SUN3: variants seen among roughly 807,000 people sequenced by gnomAD.
SUN3 encodes the protein Sad1 and UNC84 domain containing 3.
A neutral mutation model predicts 48.2 loss-of-function variants in SUN3; 36 were observed. The ratio of observed to expected loss-of-function variants is 0.75; its 90% CI spans 0.57 to 0.99. The LOEUF is 0.99. Among genes scored for constraint, SUN3 ranks in the 50% least tolerant of loss-of-function variants. SUN3 has a pLI of 0.00. For missense variants in SUN3, 419 were observed against 433.1 expected, an observed-to-expected ratio of 0.97 and a Z score of 0.29; for synonymous variants, 148 against 147.9, an observed-to-expected ratio of 1.00 and a Z score of 0.00.
At position 47,996,125 on chromosome 7, in the gene SUN3, C is replaced by T. The variant is rs1308540236; in HGVS notation, c.599G>A (p.Gly200Glu). The T allele has an allele frequency of 6.3e-7, 1 of 1,585,804 alleles. No homozygotes were observed. Among genetic ancestry groups the T allele is most frequent in the Non-Finnish European group, 8.6e-7 (1 of 1,169,436 alleles). The change falls in exon 7 of 10, where the codon GGG (glycine) becomes GAG (glutamate). Residue 200 changes from glycine to glutamate, a missense_variant. Transcript: ENST00000297325. ...ATTATTTTTATAACTTTCTGAGGTCCCAGCTTCAATGATGGAGGCTCCTAA... is the reference window on the plus strand; with the variant it reads ...ATTATTTTTATAACTTTCTGAGGTCTCAGCTTCAATGATGGAGGCTCCTAA... Reference protein sequence around the residue: ...KSAGASIIEAGTSESYKNNKA... With the variant: ...KSAGASIIEAETSESYKNNKA...
intron 2 of SUN3, among the ~76,000 whole-genome samples, chr7:48,020,958 C>A (rs1368447082): frequency 2.0e-5 from 3 of 151,928 alleles, no homozygotes; most frequent in Admixed American, 6.6e-5. Flanking sequence ...CACAAAAGAC[C>A]CCAAATAGTC....
chr7:48,007,855 A>G (rs539925060), intron 4 of SUN3, among the ~76,000 whole-genome samples: 31 of 144,732 alleles, frequency 2.1e-4, no homozygotes, highest in Non-Finnish European at 3.8e-4. Flanking sequence ...ATGGAGTCTC[A>G]CTCTGTCCCC....
At chr7:48,011,292 T>A (rs1430338392) in intron 3 of SUN3, among the ~76,000 whole-genome samples, 2 of 152,208 alleles carry the variant, frequency 1.3e-5, no homozygotes, top group East Asian at 3.9e-4. Context: ...AAAGACTGGC[T>A]TTTTATCAGT....
chr7:48,022,296 G>C (rs944766118), intron 2 of SUN3, among the ~76,000 whole-genome samples: 1 of 152,092 alleles, frequency 6.6e-6, no homozygotes, highest in Non-Finnish European at 1.5e-5. Flanking sequence ...GATGGAGGAG[G>C]TGAGGATGGT....
At chr7:48,016,803 C>T (rs1414053111) in intron 3 of SUN3, among the ~76,000 whole-genome samples, 1 of 152,166 alleles carries the variant, frequency 6.6e-6, no homozygotes, top group African/African-American at 2.4e-5. Context: ...AATTTATAAA[C>T]AACAGAAGTT....
intron 4 of SUN3, among the ~76,000 whole-genome samples, chr7:48,008,117 C>T (rs1789582954): frequency 6.6e-6 from 1 of 152,294 alleles, no homozygotes; most frequent in East Asian, 1.9e-4. Flanking sequence ...AGCCACCACG[C>T]CCGGCCAAGA....
chr7:47,993,414 A>C (rs780989303), intron 8 of SUN3, among the ~76,000 whole-genome samples: 2 of 152,254 alleles, frequency 1.3e-5, no homozygotes, highest in Admixed American at 1.3e-4. Context: ...TCAAATGTCC[A>C]TCAACTGATG....
At chr7:48,016,351 C>T (rs534169177) in intron 3 of SUN3, among the ~76,000 whole-genome samples, 11 of 152,304 alleles carry the variant, frequency 7.2e-5, no homozygotes, top group East Asian at 3.9e-4. Flanking sequence ...CCCACACATC[C>T]GGCTCTGCGT....
At chr7:47,989,536 T>C (rs1273507963) in intron 8 of SUN3, among the ~76,000 whole-genome samples, 1 of 152,218 alleles carries the variant, frequency 6.6e-6, no homozygotes, top group Non-Finnish European at 1.5e-5. Flanking sequence ...TATTGTTAGG[T>C]TCCTTAAATT....
At chr7:48,025,571 T>C (rs555156504) in intron 2 of SUN3, among the ~76,000 whole-genome samples, 1 of 152,364 alleles carries the variant, frequency 6.6e-6, no homozygotes, top group Admixed American at 6.5e-5. Flanking sequence ...AGGTAAAATG[T>C]ATGTTTGCAA....
At chr7:48,031,643 C>T (rs1247343478), upstream of SUN3, among the ~76,000 whole-genome samples, 4 of 152,070 alleles carry the variant, frequency 2.6e-5, no homozygotes, top group African/African-American at 9.7e-5. Flanking sequence ...TATGGAAGTG[C>T]CTTAAAAAAT....
At chr7:48,004,501 G>A (rs192640451) in intron 6 of SUN3, among the ~76,000 whole-genome samples, 2 of 152,266 alleles carry the variant, frequency 1.3e-5, no homozygotes, top group Admixed American at 1.3e-4. Flanking sequence ...TTACATCATT[G>A]CCAAATTCTC....
At chr7:48,031,237 T>G (rs916688926), upstream of SUN3, among the ~76,000 whole-genome samples, 5 of 152,234 alleles carry the variant, frequency 3.3e-5, no homozygotes, top group African/African-American at 1.2e-4. Flanking sequence ...ATAGACATTT[T>G]TTTCCAGAGA....
At chr7:48,019,446 A>G (rs958808539) in intron 2 of SUN3, among the ~76,000 whole-genome samples, 1 of 152,148 alleles carries the variant, frequency 6.6e-6, no homozygotes, top group African/African-American at 2.4e-5. Context: ...AATAATAAAG[A>G]TCAGAGAAGA....
upstream of SUN3, among the ~76,000 whole-genome samples, chr7:48,029,595 A>G (rs909767635): frequency 3.9e-5 from 6 of 152,344 alleles, no homozygotes; most frequent in East Asian, 1.2e-3. Context: ...TTCATTATAC[A>G]TACATCACAA....
At chr7:48,026,807 G>A (rs566064379) in intron 1 of SUN3, among the ~76,000 whole-genome samples, 1 of 152,242 alleles carries the variant, frequency 6.6e-6, no homozygotes, top group East Asian at 1.9e-4. Flanking sequence ...GACACAGTGA[G>A]AAGGCAATCC....
intron 6 of SUN3, among the ~76,000 whole-genome samples, chr7:47,999,682 G>T (rs999363793): frequency 6.6e-6 from 1 of 152,078 alleles, no homozygotes; most frequent in African/African-American, 2.4e-5. Context: ...GATTACAGGC[G>T]TGCGCCACCG....
intron 1 of SUN3, among the ~76,000 whole-genome samples, chr7:48,027,518 A>G (rs888806029): frequency 6.6e-6 from 1 of 152,228 alleles, no homozygotes; most frequent in African/African-American, 2.4e-5. Context: ...AGCTAAAATG[A>G]TCACATTAAT....
chr7:47,988,743 C>T (rs1229556651), intron 9 of SUN3, 45 bp downstream of exon 9: 1 of 1,226,760 alleles, frequency 8.2e-7, no homozygotes, highest in Non-Finnish European at 1.2e-6. Context: ...ACAAATTTCT[C>T]CCAGTGATAG....
Sources: allele counts gnomAD v4.1 joint callset (sites outside exome capture counted in the v4.1 genomes callset), GRCh38; gene constraint gnomAD v4.1.1; transcripts MANE v1.5; gene names NCBI Gene and HGNC (gene_info 2026-07-23, HGNC 2026-07-21).